Variants in CTNNA2 observed in about 807,000 individuals in gnomAD.
CTNNA2 encodes catenin alpha-2.
Under a neutral mutation model 101.0 loss-of-function variants are expected in CTNNA2, and 42 were observed. That is an observed-to-expected ratio of 0.42 (90% CI 0.32 to 0.54). The LOEUF is 0.54. Among genes scored for constraint, CTNNA2 ranks in the 20% least tolerant of loss-of-function variants. The probability of loss-of-function intolerance (pLI) is 0.14; values close to 1 mark genes in which losing one functional copy is unlikely to be tolerated. For missense variants in CTNNA2, 871 were observed against 1,223.1 expected (o/e 0.71, Z 4.29); for synonymous variants, 450 against 456.4 (o/e 0.99, Z 0.18).
chr2:79,535,767 G>T lies in CTNNA2; in HGVS notation c.-6+22560G>T, dbSNP rs116655499. Among the ~76,000 whole-genome samples, 210 of 152,152 alleles carry T rather than the reference G, an allele frequency of 1.4e-3. 1 individual carries two copies. The highest frequency in any genetic ancestry group is 4.7e-3 in the African/African-American group (194 of 41,520). Reference sequence around the variant, plus strand: ...GGAGGAAAATCAAGGTGCTTAGAAGGTATTCCCAGAAAGAATTAAAGATAA... The same window carrying T: ...GGAGGAAAATCAAGGTGCTTAGAAGTTATTCCCAGAAAGAATTAAAGATAA... On this transcript the variant is annotated intron_variant, in intron 1 of 18. Coordinates refer to ENST00000402739, the MANE Select transcript of CTNNA2 (RefSeq NM_001282597.3).
intron 4 of CTNNA2, among the ~76,000 whole-genome samples, chr2:79,459,760 T>C (rs1408851891): frequency 1.3e-5 from 2 of 152,180 alleles, no homozygotes; most frequent in African/African-American, 4.8e-5. Context: ...TCACTCCTCT[T>C]TGACATGTCA....
chr2:80,367,990 T>G (rs1675091739), intron 7 of CTNNA2, among the ~76,000 whole-genome samples: 1 of 152,118 alleles, frequency 6.6e-6, no homozygotes, highest in South Asian at 2.1e-4. Context: ...TCATCATAAT[T>G]TAGAAATCCA....
intron 18 of CTNNA2, among the ~76,000 whole-genome samples, chr2:80,644,032 T>G (rs1673779607): frequency 6.6e-6 from 1 of 152,082 alleles, no homozygotes; most frequent in South Asian, 2.1e-4. Context: ...AAGAGTTCAT[T>G]TTGGATAGGC....
In CTNNA2 at chr2:79,521,107, GATATATATATATAT is replaced by G. The variant is rs59797728; in HGVS notation, c.-6+7948_-6+7961del. Among the ~76,000 whole-genome samples, 781 of 104,802 alleles carry G rather than the reference GATATATATATATAT, an allele frequency of 7.5e-3. 4 individuals carry two copies. The highest frequency in any genetic ancestry group is 0.011 in the Middle Eastern group (2 of 190). The allele number at this position is 104,802 out of a possible 152,430, so 68.8% of individuals were successfully genotyped here. On this transcript the variant is annotated intron_variant, in intron 1 of 18. Coordinates refer to ENST00000402739, the MANE Select transcript of CTNNA2 (RefSeq NM_001282597.3). Reference sequence around the variant, plus strand: ...CTTTGAGATAGAAAACAAAGCTGCTGATATATATATATATATATATATATATATATATATATATA... The same window carrying G: ...CTTTGAGATAGAAAACAAAGCTGCTGATATATATATATATATATATATATA...
intron 1 of CTNNA2, among the ~76,000 whole-genome samples, chr2:79,642,865 C>A (rs777493102): frequency 6.6e-6 from 1 of 151,080 alleles, no homozygotes; most frequent in Non-Finnish European, 1.5e-5. Context: ...GCCCCTCTTA[C>A]AATAGGGTAT....
intron 7 of CTNNA2, among the ~76,000 whole-genome samples, chr2:79,943,901 A>G (rs1315409719): frequency 1.3e-5 from 2 of 152,246 alleles, no homozygotes; most frequent in Non-Finnish European, 2.9e-5. Context: ...GCAATAAAAT[A>G]TATAATCATA....
At chr2:80,408,024 T>C (rs910777046) in intron 8 of CTNNA2, among the ~76,000 whole-genome samples, 1 of 152,258 alleles carries the variant, frequency 6.6e-6, no homozygotes, top group Middle Eastern at 3.4e-3. Flanking sequence ...CAGAGGTACA[T>C]TTATCAGTGA....
chr2:79,521,676 G>A (rs1672128609), intron 1 of CTNNA2, among the ~76,000 whole-genome samples: 1 of 152,174 alleles, frequency 6.6e-6, no homozygotes, highest in South Asian at 2.1e-4. Flanking sequence ...TAAGTAAGCA[G>A]CAGTGTTTGT....
chr2:80,402,397 G>C (rs556677601), intron 8 of CTNNA2, among the ~76,000 whole-genome samples: 29 of 152,274 alleles, frequency 1.9e-4, no homozygotes, highest in Non-Finnish European at 3.8e-4. Flanking sequence ...CCTCTCTGGA[G>C]GTTGGGGTGG....
At chr2:79,267,689 G>A (rs1456948310) in intron 2 of CTNNA2, among the ~76,000 whole-genome samples, 6 of 152,148 alleles carry the variant, frequency 3.9e-5, no homozygotes, top group Admixed American at 1.3e-4. Context: ...GTGGGACCTC[G>A]AGAAAATAGC....
intron 4 of CTNNA2, among the ~76,000 whole-genome samples, chr2:79,393,860 G>A (rs375907268): frequency 1.8e-4 from 27 of 152,106 alleles, no homozygotes; most frequent in African/African-American, 6.5e-4. Flanking sequence ...ATTCCCTGAT[G>A]TCTGTCCAAC....
intron 9 of CTNNA2, among the ~76,000 whole-genome samples, chr2:80,484,247 A>T (rs1447154341): frequency 6.6e-6 from 1 of 152,162 alleles, no homozygotes; most frequent in Non-Finnish European, 1.5e-5. Flanking sequence ...AAGATTTGTG[A>T]TACTGATTTA....
At chr2:80,386,181 A>G (rs1420549818) in intron 7 of CTNNA2, among the ~76,000 whole-genome samples, 2 of 152,222 alleles carry the variant, frequency 1.3e-5, no homozygotes, top group Non-Finnish European at 2.9e-5. Context: ...GAGAAGAATC[A>G]GAGATACATC....
chr2:79,253,681 G>A (rs182783794), intron 2 of CTNNA2, among the ~76,000 whole-genome samples: 64 of 152,300 alleles, frequency 4.2e-4, no homozygotes, highest in East Asian at 1.9e-3. Context: ...CCTTTATGCC[G>A]CAGAACTTAA....
At chr2:80,276,878 G>A (rs984904920) in intron 7 of CTNNA2, among the ~76,000 whole-genome samples, 20 of 152,026 alleles carry the variant, frequency 1.3e-4, no homozygotes, top group African/African-American at 4.6e-4. Flanking sequence ...ATTTAGAGAG[G>A]ACAAATATCC....
At chr2:80,283,042 G>A (rs939093089) in intron 7 of CTNNA2, among the ~76,000 whole-genome samples, 3 of 152,000 alleles carry the variant, frequency 2.0e-5, no homozygotes, top group Non-Finnish European at 2.9e-5. Context: ...AATTAAAGAA[G>A]GCAGAATTTT....
intron 17 of CTNNA2, among the ~76,000 whole-genome samples, chr2:80,609,240 G>C (rs113865487): frequency 4.1e-4 from 63 of 151,878 alleles, no homozygotes; most frequent in African/African-American, 1.5e-3. Context: ...ACAAAGCTCA[G>C]GTCTTCCTGA....
At chr2:79,307,693 G>T (rs1676278823) in intron 2 of CTNNA2, among the ~76,000 whole-genome samples, 1 of 152,164 alleles carries the variant, frequency 6.6e-6, no homozygotes, top group South Asian at 2.1e-4. Context: ...GGGTACAGAA[G>T]TCTCTTCAAT....
chr2:79,837,426 A>G (rs531611452), intron 3 of CTNNA2, among the ~76,000 whole-genome samples: 2 of 152,294 alleles, frequency 1.3e-5, no homozygotes, highest in South Asian at 4.1e-4. Context: ...CTCAAATGTT[A>G]ATCTCCTTTG....
Sources: gnomAD v4.1 joint callset for allele counts (sites outside exome capture counted in the v4.1 genomes callset) on GRCh38, gnomAD v4.1.1 for gene constraint, MANE v1.5 for transcripts, NCBI Gene and HGNC (gene_info 2026-07-23, HGNC 2026-07-21) for gene names.